ERG: variants seen among roughly 807,000 people sequenced by gnomAD.
ERG encodes the protein ETS transcription factor ERG, also known as transcriptional regulator ERG.
Under a neutral mutation model 55.3 loss-of-function variants are expected in ERG, and 9 were observed. The ratio of observed to expected loss-of-function variants is 0.16; its 90% CI spans 0.10 to 0.28. The LOEUF is 0.28. ERG is among the 10% of genes least tolerant of loss of function. ERG has a pLI of 1.00. For missense variants in ERG, 434 were observed against 631.6 expected, an observed-to-expected ratio of 0.69 and a Z score of 3.35; for synonymous variants, 223 against 237.3, an observed-to-expected ratio of 0.94 and a Z score of 0.55.
At chr21:38,485,378 T>C (rs1339816329) in intron 1 of ERG, among the ~76,000 whole-genome samples, 1 of 151,902 alleles carries the variant, frequency 6.6e-6, no homozygotes, top group African/African-American at 2.4e-5. Flanking sequence ...TTTAAAAAAT[T>C]AATAAGTAAA....
rs564809173 is a variant in ERG at position 38,486,359 on chromosome 21, G to C, written c.18+12004C>G. 2.0e-5 allele frequency among the ~76,000 whole-genome samples: 3 copies of C among 152,308 alleles called. No individual in the cohort carries two copies. The South Asian group carries it at 6.2e-4, about 32-fold the overall frequency. On this transcript the variant is annotated intron_variant, in intron 1 of 9. Transcript: ENST00000288319. Reference sequence around the variant, plus strand: ...ACAGGTTTGTAGCCTAGGAGCACAGGCTACACTTATAGCCTGTAGCCTACG... The same window carrying C: ...ACAGGTTTGTAGCCTAGGAGCACAGCCTACACTTATAGCCTGTAGCCTACG...
chr21:38,450,156 C>T (rs1195442631), intron 1 of ERG, among the ~76,000 whole-genome samples: 3 of 151,382 alleles, frequency 2.0e-5, no homozygotes, highest in African/African-American at 7.3e-5. Flanking sequence ...CTTTGAGAGG[C>T]CAAGGTGGGT....
intron 1 of ERG, among the ~76,000 whole-genome samples, chr21:38,604,760 C>G (rs1263492652): frequency 6.6e-6 from 1 of 152,196 alleles, no homozygotes; most frequent in African/African-American, 2.4e-5. Flanking sequence ...TGAAGAATGG[C>G]CTCAGCCTTA....
At chr21:38,657,650 T>C (rs1015069) in intron 1 of ERG, among the ~76,000 whole-genome samples, 123,567 of 152,084 alleles carry the variant, frequency 0.81, 50,611 homozygotes, top group African/African-American at 0.92. Context: ...AGAACTGGTT[T>C]GGGTGACAGC....
At chr21:38,591,130 CTAAGTCA>C (rs2060098071) in intron 1 of ERG, among the ~76,000 whole-genome samples, 1 of 152,194 alleles carries the variant, frequency 6.6e-6, no homozygotes, top group Non-Finnish European at 1.5e-5. Context: ...TAGGAAAGAT[CTAAGTCA>C]TGGAAGCCAA....
intron 2 of ERG, among the ~76,000 whole-genome samples, chr21:38,542,701 C>T (rs766064062): frequency 1.1e-4 from 16 of 152,132 alleles, no homozygotes; most frequent in Non-Finnish European, 1.8e-4. Flanking sequence ...CGTGATAATA[C>T]GACACTTAAA....
chr21:38,630,909 G>C (rs1301309402), intron 1 of ERG, among the ~76,000 whole-genome samples: 1 of 152,174 alleles, frequency 6.6e-6, no homozygotes, highest in Admixed American at 6.5e-5. Flanking sequence ...GGAAGAAGTA[G>C]AGCTAAACTG....
Position 38,525,546 on chromosome 21 carries a change from G to A in ERG, c.-41+50116C>T, listed in dbSNP as rs116763711. Among the ~76,000 whole-genome samples, 964 of 152,214 alleles carry A rather than the reference G, an allele frequency of 6.3e-3. 6 individuals carry two copies. Among genetic ancestry groups the A allele is most frequent in the African/African-American group, 0.022 (900 of 41,536 alleles). On this transcript the variant is annotated intron_variant, in intron 2 of 8. Transcript: ENST00000398897. Reference sequence around the variant, plus strand: ...CTCCAACACTTCTTCCACTCTCTCAGTTACCGAGCCAAGACACAGAGTTGC... The same window carrying A: ...CTCCAACACTTCTTCCACTCTCTCAATTACCGAGCCAAGACACAGAGTTGC...
intron 2 of ERG, among the ~76,000 whole-genome samples, chr21:38,504,755 CACCA>C (rs1460242247): frequency 1.3e-5 from 2 of 152,220 alleles, no homozygotes; most frequent in Non-Finnish European, 2.9e-5. Context: ...TGTCCCCTGT[CACCA>C]TCCTTGGCCA....
intron 1 of ERG, among the ~76,000 whole-genome samples, chr21:38,610,526 C>CGCGT (rs924177456): frequency 6.6e-5 from 10 of 150,384 alleles, no homozygotes; most frequent in East Asian, 4.0e-4. Context: ...CGCGCACGCG[C>CGCGT]GTGTGTGTGT....
intron 1 of ERG, among the ~76,000 whole-genome samples, chr21:38,582,840 G>A (rs1399067038): frequency 3.3e-5 from 5 of 152,120 alleles, no homozygotes; most frequent in East Asian, 3.9e-4. Flanking sequence ...TCCACCTCCC[G>A]GGTTCCACTG....
chr21:38,574,981 A>G (rs1002952422), intron 2 of ERG, among the ~76,000 whole-genome samples: 1 of 152,162 alleles, frequency 6.6e-6, no homozygotes, highest in Non-Finnish European at 1.5e-5. Context: ...CCCTGTAGCT[A>G]TTACCCACAT....
At chr21:38,606,387 A>C (rs1447765633) in intron 1 of ERG, among the ~76,000 whole-genome samples, 1 of 152,218 alleles carries the variant, frequency 6.6e-6, no homozygotes, top group Non-Finnish European at 1.5e-5. Context: ...AGAAGCAAAA[A>C]TAAAACTACT....
At chr21:38,418,273 G>GTA (rs1989371499) in intron 3 of ERG, among the ~76,000 whole-genome samples, 2 of 120,418 alleles carry the variant, frequency 1.7e-5, no homozygotes, top group South Asian at 5.4e-4. Flanking sequence ...ATTTGGAAGT[G>GTA]TGTGTGTGTG....
chr21:38,389,217 G>C (rs911189576), intron 9 of ERG, among the ~76,000 whole-genome samples: 1 of 152,122 alleles, frequency 6.6e-6, no homozygotes, highest in Admixed American at 6.5e-5. Context: ...TTTGCAGACA[G>C]AGTCAGGTTT....
intron 2 of ERG, among the ~76,000 whole-genome samples, chr21:38,423,981 A>AAAAAG (rs56340509): frequency 0.44 from 65,566 of 150,220 alleles, 14,740 homozygotes; most frequent in East Asian, 0.75. Context: ...TCTCAAAACA[A>AAAAAG]AAAAGAAAAG....
chr21:38,446,226 CAAAAAAAA>C (rs71184626), intron 1 of ERG, among the ~76,000 whole-genome samples: 4 of 63,596 alleles, frequency 6.3e-5, no homozygotes, highest in South Asian at 7.3e-4. Context: ...ATAAATGAAC[CAAAAAAAA>C]AAAAAAAAAA....
chr21:38,427,368 C>T lies in ERG; in HGVS notation c.237-3807G>A, dbSNP rs557401873. On this transcript the variant is annotated intron_variant, in intron 2 of 9. Coordinates refer to ENST00000288319, the MANE Select transcript of ERG (RefSeq NM_182918.4). Reference sequence around the variant, plus strand: ...GGGATTACAGGCGTGAGCCACTTCACCCAGGTTTCTCTTGCAAATTTTAAC... The same window carrying T: ...GGGATTACAGGCGTGAGCCACTTCATCCAGGTTTCTCTTGCAAATTTTAAC... Among the ~76,000 whole-genome samples the T allele has an allele frequency of 2.6e-5, 4 of 152,342 alleles. No homozygotes were observed. In the South Asian group the frequency reaches 8.3e-4, roughly 32 times the overall value.
At chr21:38,607,382 T>C (rs1485805811) in intron 1 of ERG, among the ~76,000 whole-genome samples, 3 of 152,198 alleles carry the variant, frequency 2.0e-5, no homozygotes, top group Non-Finnish European at 4.4e-5. Flanking sequence ...CTCACGCCTG[T>C]AATCCCAGCG....
Sources: allele counts gnomAD v4.1 joint callset (sites outside exome capture counted in the v4.1 genomes callset), GRCh38; gene constraint gnomAD v4.1.1; transcripts MANE v1.5; gene names NCBI Gene and HGNC (gene_info 2026-07-23, HGNC 2026-07-21).